KIAA1671: variants seen among roughly 807,000 people sequenced by gnomAD.
The protein encoded by KIAA1671 is KIAA1671, also known as uncharacterized protein KIAA1671.
Under a neutral mutation model 131.2 loss-of-function variants are expected in KIAA1671, and 52 were observed. The observed-to-expected ratio is 0.40, with a 90% confidence interval of 0.32 to 0.50. The LOEUF is 0.50. Among genes scored for constraint, KIAA1671 ranks in the 20% least tolerant of loss-of-function variants. The pLI is 0.73. For missense variants in KIAA1671, 2,360 were observed against 2,364.2 expected (o/e 1.00, Z 0.04); for synonymous variants, 1,003 against 961.6 (o/e 1.04, Z -0.80).
At chr22:25,174,033 GT>G (rs1327383253) in intron 7 of KIAA1671, among the ~76,000 whole-genome samples, 2 of 152,148 alleles carry the variant, frequency 1.3e-5, no homozygotes, top group Admixed American at 6.5e-5. Context: ...ACCTGGCCAG[GT>G]GTTCCAGGCA....
Position 25,040,668 on chromosome 22 carries a change from G to A in KIAA1671, c.3538G>A (p.Asp1180Asn). ...PKDLPVRRKT[D>N]VISDTFPGKI... ...AGATCTTCCTGTGAGAAGGAAGACT[G>A]ATGTGATCAGTGACACGTTCCCAGG... is the stretch of plus-strand genomic sequence containing the variant. The change falls in exon 5 of 13, where the codon GAT (aspartate) becomes AAT (asparagine). Residue 1180 changes from aspartate to asparagine, a missense_variant. Around this residue, in one of 3 missense-constraint regions of KIAA1671, gnomAD observed 1,161 missense variants for 1,204.7 expected, o/e 0.96. Coordinates refer to ENST00000358431, the MANE Select transcript of KIAA1671 (RefSeq NM_001145206.2). 1 of 1,552,128 alleles carries A rather than the reference G, an allele frequency of 6.4e-7. No homozygotes were observed. The highest frequency in any genetic ancestry group is 8.7e-7 in the Non-Finnish European group (1 of 1,147,074).
intron 6 of KIAA1671, among the ~76,000 whole-genome samples, chr22:25,157,845 G>A (rs1341674797): frequency 6.7e-6 from 1 of 149,778 alleles, no homozygotes; most frequent in Admixed American, 6.7e-5. Flanking sequence ...TTATTCAGAT[G>A]GAGTCTCCCT....
chr22:25,068,627 G>A (rs996912974), intron 6 of KIAA1671, among the ~76,000 whole-genome samples: 10 of 152,176 alleles, frequency 6.6e-5, no homozygotes, highest in Admixed American at 1.3e-4. Context: ...TAGTAGAGAC[G>A]GGGTTTCACC....
intron 10 of KIAA1671, among the ~76,000 whole-genome samples, chr22:25,182,261 T>A (rs553278064): frequency 1.7e-4 from 26 of 151,700 alleles, no homozygotes; most frequent in Non-Finnish European, 3.4e-4. Flanking sequence ...CTCCTTCCTT[T>A]TGTCCCTTCT....
At chr22:25,094,561 A>G (rs1930308058) in intron 6 of KIAA1671, among the ~76,000 whole-genome samples, 1 of 152,184 alleles carries the variant, frequency 6.6e-6, no homozygotes, top group Admixed American at 6.5e-5. Flanking sequence ...AGTTCATTTT[A>G]GTGAAGGCTG....
intron 6 of KIAA1671, among the ~76,000 whole-genome samples, chr22:25,110,623 T>C (rs1931280789): frequency 6.6e-6 from 1 of 152,212 alleles, no homozygotes. Context: ...ATCCAGCTGC[T>C]GCCCACCCCC....
At position 25,055,790 on chromosome 22, in the gene KIAA1671, A is replaced by G. The variant is rs1316657953; in HGVS notation, c.4530+6426A>G. 4.6e-5 allele frequency: 5 copies of G among 109,698 alleles called. 2 individuals carry two copies. The South Asian group carries it at 1.3e-3, about 28-fold the overall frequency. 6.8% of individuals were successfully genotyped at this position (109,698 alleles called of 1,614,324 possible). ...TACATACACACAAACATATATATAG[A>G]TAGATATAGATAGATATAGATATAG... is the stretch of plus-strand genomic sequence containing the variant. On this transcript the variant is annotated intron_variant, in intron 6 of 12. Transcript: ENST00000358431.
chr22:25,027,289 T>C (rs1926002138), intron 2 of KIAA1671, among the ~76,000 whole-genome samples: 1 of 152,176 alleles, frequency 6.6e-6, no homozygotes, highest in South Asian at 2.1e-4. Context: ...GGTTGGTGCC[T>C]AGGGCATGGG....
intron 8 of KIAA1671, chr22:25,174,786 A>G (rs565488247): frequency 3.4e-4 from 92 of 270,426 alleles, no homozygotes; most frequent in Middle Eastern, 2.1e-3. Flanking sequence ...AAACTGATCT[A>G]AGCCCTTACC....
intron 1 of KIAA1671, among the ~76,000 whole-genome samples, chr22:25,003,808 A>G (rs1924597702): frequency 1.3e-5 from 2 of 151,726 alleles, no homozygotes; most frequent in South Asian, 4.2e-4. Flanking sequence ...ATCCATGTGC[A>G]TCTATATCAA....
chr22:24,985,408 C>G (rs133090), intron 1 of KIAA1671, among the ~76,000 whole-genome samples: 72,431 of 149,308 alleles, frequency 0.49, 18,981 homozygotes, highest in African/African-American at 0.72. Flanking sequence ...GGTGCGATCT[C>G]GGCTCACTGC....
chr22:25,194,346 G>T lies in KIAA1671; in HGVS notation c.*1945G>T, dbSNP rs954293160. 3 of 152,240 alleles carry T rather than the reference G, an allele frequency of 2.0e-5. No homozygotes were observed. Among genetic ancestry groups the T allele is most frequent in the Admixed American group, 6.5e-5 (1 of 15,278 alleles). 9.4% of individuals were successfully genotyped at this position (152,240 alleles called of 1,614,324 possible). On this transcript the variant is annotated 3_prime_UTR_variant, in exon 13 of 13. Transcript: ENST00000358431. ...CCTCCTCAGCCTCCCAAAGTGCTCG[G>T]ATTACAGACATGAGCCACTGCACCT... is the stretch of plus-strand genomic sequence containing the variant.
intron 6 of KIAA1671, among the ~76,000 whole-genome samples, chr22:25,068,202 G>A (rs1170601717): frequency 6.6e-6 from 1 of 150,554 alleles, no homozygotes; most frequent in Non-Finnish European, 1.5e-5. Context: ...CCAGCCTTCC[G>A]ACTGTGCCAT....
At chr22:25,092,762 G>A (rs548998241) in intron 6 of KIAA1671, among the ~76,000 whole-genome samples, 16 of 152,320 alleles carry the variant, frequency 1.1e-4, no homozygotes, top group African/African-American at 3.4e-4. Context: ...AATAACAGGC[G>A]AGTGGTGCCA....
intron 6 of KIAA1671, chr22:25,112,643 T>A: frequency 2.7e-6 from 1 of 369,340 alleles, no homozygotes; most frequent in East Asian, 3.9e-5. Flanking sequence ...TAGCAATAAT[T>A]CCTCTCTCCT....
At chr22:25,167,287 A>C (rs113076223) in intron 6 of KIAA1671, among the ~76,000 whole-genome samples, 7 of 152,306 alleles carry the variant, frequency 4.6e-5, no homozygotes, top group African/African-American at 1.7e-4. Flanking sequence ...TGGCTTGCTC[A>C]TCTGGATCCC....
In KIAA1671 at chr22:24,988,234, C is replaced by G. The variant is rs1032333211; in HGVS notation, c.-208+35462C>G. Among the ~76,000 whole-genome samples, 10 of 143,446 alleles carry G rather than the reference C, an allele frequency of 7.0e-5. No homozygotes were observed. In the Admixed American group the frequency reaches 7.1e-4, roughly 10 times the overall value. 94.1% of individuals were successfully genotyped at this position (143,446 alleles called of 152,430 possible). A position where few individuals can be genotyped will look rare whatever the true frequency, so the allele number is the denominator to read the frequency against. On this transcript the variant is annotated intron_variant, in intron 1 of 12. Transcript: ENST00000358431. ...GTTGGAGGTTGCAGTGAGCCGAGAT[C>G]GCGCCATTGCACTCCAGCTTGGGCA...
intron 6 of KIAA1671, among the ~76,000 whole-genome samples, chr22:25,130,106 A>G (rs1932368485): frequency 6.6e-6 from 1 of 152,202 alleles, no homozygotes; most frequent in Admixed American, 6.5e-5. Context: ...ATAAGCAATT[A>G]TTATCAATAT....
At chr22:25,140,347 C>A (rs1418882556) in intron 6 of KIAA1671, among the ~76,000 whole-genome samples, 2 of 152,102 alleles carry the variant, frequency 1.3e-5, no homozygotes, top group Non-Finnish European at 2.9e-5. Flanking sequence ...TAGAGTGAGC[C>A]TGCTAGCAAG....
Sources: gnomAD v4.1 joint callset for allele counts (sites outside exome capture counted in the v4.1 genomes callset) on GRCh38, gnomAD v4.1.1 for gene constraint, gnomAD v4.1.1 regional missense constraint, MANE v1.5 for transcripts, NCBI Gene and HGNC (gene_info 2026-07-23, HGNC 2026-07-21) for gene names.